The following PLCB1 variants were observed in gnomAD, a reference collection of about 807,000 sequenced individuals.
PLCB1 encodes 1-phosphatidylinositol 4,5-bisphosphate phosphodiesterase beta-1.
PLCB1 carries 46 observed loss-of-function variants against 161.8 expected under a neutral mutation model. That is an observed-to-expected ratio of 0.28 (90% confidence interval 0.22 to 0.36). The LOEUF is 0.36. Among genes scored for constraint, PLCB1 ranks in the 10% least tolerant of loss-of-function variants. The pLI is 1.00. For missense variants in PLCB1, 1,016 were observed against 1,472.5 expected, an observed-to-expected ratio of 0.69 and a Z score of 5.07; for synonymous variants, 517 against 503.7, an observed-to-expected ratio of 1.03 and a Z score of -0.35.
intron 27 of PLCB1, among the ~76,000 whole-genome samples, chr20:8,783,386 T>C (rs1382520811): frequency 6.6e-6 from 1 of 152,206 alleles, no homozygotes; most frequent in African/African-American, 2.4e-5. Flanking sequence ...CAAAAGTTAG[T>C]ATACCTTGCC....
chr20:8,385,654 C>T (rs920639560), intron 3 of PLCB1, among the ~76,000 whole-genome samples: 20 of 152,178 alleles, frequency 1.3e-4, no homozygotes, highest in African/African-American at 3.6e-4. Context: ...CGTGGGTTCA[C>T]GAGTGGGATC....
intron 9 of PLCB1, among the ~76,000 whole-genome samples, chr20:8,684,074 C>T (rs770012863): frequency 1.7e-4 from 25 of 151,352 alleles, no homozygotes; most frequent in African/African-American, 4.4e-4. Flanking sequence ...TTAGTAGAGA[C>T]GAGGTTTCAC....
At chr20:8,429,741 GAAGA>G in intron 3 of PLCB1, among the ~76,000 whole-genome samples, 1 of 152,094 alleles carries the variant, frequency 6.6e-6, no homozygotes, top group Non-Finnish European at 1.5e-5. Context: ...ATAGTAAAAG[GAAGA>G]AAGAACACTA....
chr20:8,843,009 G>A (rs934296640), intron 31 of PLCB1, among the ~76,000 whole-genome samples: 5 of 152,106 alleles, frequency 3.3e-5, no homozygotes, highest in African/African-American at 7.2e-5. Flanking sequence ...ACAACAGGCC[G>A]AAATATAAAA....
At chr20:8,639,893 GA>G (rs11320743) in intron 4 of PLCB1, among the ~76,000 whole-genome samples, 54,634 of 138,514 alleles carry the variant, frequency 0.39, 10,371 homozygotes, top group Admixed American at 0.51. Flanking sequence ...TAGAAGACAA[GA>G]AAAAAAAAAA....
intron 3 of PLCB1, among the ~76,000 whole-genome samples, chr20:8,602,414 G>T (rs1450330678): frequency 1.3e-5 from 2 of 152,174 alleles, no homozygotes; most frequent in African/African-American, 4.8e-5. Context: ...ATTAAGCCCT[G>T]AATGTCAATG....
chr20:8,828,796 G>A (rs932645135), intron 31 of PLCB1, among the ~76,000 whole-genome samples: 1 of 152,152 alleles, frequency 6.6e-6, no homozygotes, highest in African/African-American at 2.4e-5. Context: ...GTATGTATAA[G>A]TAGTTCTTTA....
intron 9 of PLCB1, among the ~76,000 whole-genome samples, chr20:8,662,044 T>G (rs1340667476): frequency 9.0e-3 from 298 of 33,124 alleles, no homozygotes; most frequent in Non-Finnish European, 0.013. Context: ...ATTATATAAT[T>G]ATATATAATT....
At chr20:8,250,613 A>G (rs1981091243) in intron 2 of PLCB1, among the ~76,000 whole-genome samples, 1 of 151,906 alleles carries the variant, frequency 6.6e-6, no homozygotes, top group Non-Finnish European at 1.5e-5. Flanking sequence ...ATACCTACAA[A>G]AGTTCCATTT....
intron 31 of PLCB1, among the ~76,000 whole-genome samples, chr20:8,850,722 G>A (rs901603792): frequency 6.6e-6 from 1 of 152,158 alleles, no homozygotes; most frequent in East Asian, 1.9e-4. Flanking sequence ...GTATCATCTT[G>A]GATGCAGGAG....
intron 3 of PLCB1, among the ~76,000 whole-genome samples, chr20:8,445,232 A>G (rs1980766212): frequency 6.6e-6 from 1 of 152,150 alleles, no homozygotes; most frequent in South Asian, 2.1e-4. Flanking sequence ...TATAAGTTGT[A>G]AGGAAGGGAT....
At chr20:8,183,153 T>C (rs1054083043) in intron 2 of PLCB1, among the ~76,000 whole-genome samples, 17 of 152,198 alleles carry the variant, frequency 1.1e-4, no homozygotes, top group Non-Finnish European at 1.6e-4. Flanking sequence ...CGGTAATAGA[T>C]ACATGATCCA....
chr20:8,437,224 G>A (rs1031914373), intron 3 of PLCB1, among the ~76,000 whole-genome samples: 4 of 152,130 alleles, frequency 2.6e-5, no homozygotes, highest in East Asian at 1.9e-4. Flanking sequence ...GGATAAAAAC[G>A]TTCCATTACT....
chr20:8,730,243 A>ATT (rs1309342938), intron 18 of PLCB1, among the ~76,000 whole-genome samples: 1 of 151,624 alleles, frequency 6.6e-6, no homozygotes. Context: ...TTGTGCTCCC[A>ATT]TTTTTCTCAT....
At position 8,433,767 on chromosome 20, in the gene PLCB1, C is replaced by G. The variant is rs556901109; in HGVS notation, c.246+62317C>G. ...CTCATGGACAATTGGTTTCATCCAT[C>G]TGATAATGAAACACTGTGAATTGCC... is the stretch of plus-strand genomic sequence containing the variant. On this transcript the variant is annotated intron_variant, in intron 3 of 31. Transcript: ENST00000338037. Among the ~76,000 whole-genome samples the G allele has an allele frequency of 4.6e-4, 53 of 116,324 alleles. 11 individuals are homozygous for G. Among genetic ancestry groups the G allele is most frequent in the Admixed American group, 3.1e-3 (39 of 12,716 alleles). 76.3% of individuals were successfully genotyped at this position (116,324 alleles called of 152,430 possible).
At chr20:8,286,203 A>G (rs1983113882) in intron 2 of PLCB1, among the ~76,000 whole-genome samples, 1 of 152,194 alleles carries the variant, frequency 6.6e-6, no homozygotes, top group Admixed American at 6.5e-5. Context: ...ATATGCCTGT[A>G]GTCCCAGCTA....
chr20:8,727,305 T>C lies in PLCB1; in HGVS notation c.1679-4T>C. ...CTTTTTTGTTTTGTTGTTGCTTAAC[T>C]CAGAAAGAAATAAAAGTTTTGAAAT... On this transcript the variant is annotated splice_polypyrimidine_tract_variant and splice_region_variant and intron_variant, in intron 16 of 31. Coordinates refer to ENST00000338037, the MANE Select transcript of PLCB1 (RefSeq NM_015192.4). 1 of 1,554,850 alleles carries C rather than the reference T, an allele frequency of 6.4e-7. No individual in the cohort carries two copies. Among genetic ancestry groups the C allele is most frequent in the Non-Finnish European group, 8.9e-7 (1 of 1,129,876 alleles).
chr20:8,215,858 A>G (rs564032338), intron 2 of PLCB1, among the ~76,000 whole-genome samples: 1 of 151,878 alleles, frequency 6.6e-6, no homozygotes, highest in South Asian at 2.1e-4. Flanking sequence ...ATGTATATAT[A>G]TTTATATATA....
At chr20:8,603,761 A>G (rs958859173) in intron 3 of PLCB1, among the ~76,000 whole-genome samples, 5 of 152,194 alleles carry the variant, frequency 3.3e-5, no homozygotes, top group Admixed American at 2.0e-4. Flanking sequence ...GACACTAACC[A>G]ATAATTCTAC....
Sources: allele counts gnomAD v4.1 joint callset (sites outside exome capture counted in the v4.1 genomes callset), GRCh38; gene constraint gnomAD v4.1.1; transcripts MANE v1.5; gene names NCBI Gene and HGNC (gene_info 2026-07-23, HGNC 2026-07-21).